RAD23B: variants seen among roughly 807,000 people sequenced by gnomAD.
RAD23B encodes the protein RAD23 nucleotide excision repair protein B.
RAD23B carries 5 observed loss-of-function variants against 49.1 expected under a neutral mutation model. The ratio of observed to expected loss-of-function variants is 0.10; its 90% CI spans 0.05 to 0.21. RAD23B has a LOEUF of 0.21. Ranked by LOEUF, RAD23B falls within the 10% of genes least tolerant of loss-of-function variation. The probability of loss-of-function intolerance (pLI) is 1.00; values close to 1 mark genes in which losing one functional copy is unlikely to be tolerated. For synonymous variants in RAD23B, 184 were observed against 165.4 expected, an observed-to-expected ratio of 1.11 and a Z score of -0.86; for missense variants, 356 against 486.7, an observed-to-expected ratio of 0.73 and a Z score of 2.53.
intron 1 of RAD23B, among the ~76,000 whole-genome samples, chr9:107,288,439 TTTG>T (rs1381188834): frequency 2.5e-4 from 38 of 152,208 alleles, no homozygotes; most frequent in Non-Finnish European, 1.5e-4. Context: ...TGGCTACATT[TTTG>T]TTGTTGTTTT....
intron 1 of RAD23B, among the ~76,000 whole-genome samples, chr9:107,289,341 C>A (rs997868689): frequency 1.3e-5 from 2 of 152,004 alleles, no homozygotes; most frequent in African/African-American, 4.8e-5. Flanking sequence ...CATGCCACCA[C>A]GCCCAGCTAA....
chr9:107,305,367 A>G (rs139703793), intron 3 of RAD23B, among the ~76,000 whole-genome samples: 3 of 152,316 alleles, frequency 2.0e-5, no homozygotes, highest in East Asian at 1.9e-4. Context: ...TAAGTGGATC[A>G]TCATAAAGGT....
At chr9:107,316,714 A>G (rs1381392841) in intron 5 of RAD23B, among the ~76,000 whole-genome samples, 6 of 152,084 alleles carry the variant, frequency 3.9e-5, no homozygotes, top group African/African-American at 1.2e-4. Flanking sequence ...AAATTATTCA[A>G]CAGATACTCG....
intron 1 of RAD23B, among the ~76,000 whole-genome samples, chr9:107,286,390 A>C (rs1833273135): frequency 6.6e-6 from 1 of 152,148 alleles, no homozygotes; most frequent in Non-Finnish European, 1.5e-5. Flanking sequence ...GGATATACAA[A>C]ATGGAAAGAG....
chr9:107,293,520 A>T (rs894767722), intron 1 of RAD23B, among the ~76,000 whole-genome samples: 1 of 152,198 alleles, frequency 6.6e-6, no homozygotes, highest in Non-Finnish European at 1.5e-5. Context: ...ACTTTACACA[A>T]TTATTTATAC....
intron 1 of RAD23B, chr9:107,284,785 G>A (rs868238776): frequency 1.4e-5 from 16 of 1,169,484 alleles, no homozygotes; most frequent in Non-Finnish European, 1.6e-5. Context: ...GGGCTTTGGT[G>A]TTAAGTAGAC....
intron 6 of RAD23B, among the ~76,000 whole-genome samples, chr9:107,320,435 A>T (rs1474412667): frequency 6.6e-6 from 1 of 152,254 alleles, no homozygotes; most frequent in Admixed American, 6.5e-5. Flanking sequence ...GAGGTATAAA[A>T]ATACAGAATC....
intron 8 of RAD23B, among the ~76,000 whole-genome samples, chr9:107,324,616 G>T (rs1827168932): frequency 6.7e-6 from 1 of 148,468 alleles, no homozygotes; most frequent in Non-Finnish European, 1.5e-5. Flanking sequence ...GAGCACTTAA[G>T]AATTTGAATT....
At position 107,300,350 on chromosome 9, in the gene RAD23B, GAGC is replaced by G. The variant is rs528669259; in HGVS notation, c.148+131_148+133del. The G allele has an allele frequency of 1.6e-3, 1,728 of 1,102,990 alleles. 3 individuals are homozygous for G. Among genetic ancestry groups the G allele is most frequent in the Non-Finnish European group, 2.0e-3 (1,648 of 832,932 alleles). The allele number at this position is 1,102,990 out of a possible 1,614,324, so 68.3% of individuals were successfully genotyped here. ...GATTGTACAAATAAAAGCAGTGAAA[GAGC>G]AGTCATTTGAATCTAATATTAATAT... is the stretch of plus-strand genomic sequence containing the variant. On this transcript the variant is annotated intron_variant, in intron 2 of 9. Coordinates refer to ENST00000358015, the MANE Select transcript of RAD23B (RefSeq NM_002874.5).
rs188199832 is a variant in RAD23B at position 107,321,314 on chromosome 9, T to G, written c.682-669T>G. Among the ~76,000 whole-genome samples, 11 of 151,358 alleles carry G rather than the reference T, an allele frequency of 7.3e-5. No homozygotes were observed. The East Asian group carries it at 2.1e-3, about 29-fold the overall frequency. On this transcript the variant is annotated intron_variant, in intron 6 of 9. Transcript: ENST00000358015. ...TCATTTATGAGATACTTTGACACTT[T>G]AAGAAACACTTCACTGAAAAGTACC...
intron 7 of RAD23B, 103 bp downstream of exon 7, chr9:107,322,221 T>G: frequency 7.5e-7 from 1 of 1,334,906 alleles, no homozygotes; most frequent in Non-Finnish European, 1.0e-6. Flanking sequence ...CCCAGAGCAG[T>G]CGAATAATTC....
chr9:107,314,377 T>C (rs370551987), intron 5 of RAD23B, among the ~76,000 whole-genome samples: 5 of 152,190 alleles, frequency 3.3e-5, no homozygotes, highest in East Asian at 3.8e-4. Context: ...TTCCAGTGTC[T>C]GTTATTCCAC....
intron 5 of RAD23B, among the ~76,000 whole-genome samples, chr9:107,315,208 C>A (rs1826966735): frequency 1.3e-5 from 2 of 152,140 alleles, no homozygotes; most frequent in South Asian, 4.1e-4. Flanking sequence ...TCCAATTTCC[C>A]AGCACCATTT....
At chr9:107,298,406 C>G (rs1286721051) in intron 1 of RAD23B, among the ~76,000 whole-genome samples, 1 of 147,918 alleles carries the variant, frequency 6.8e-6, no homozygotes, top group Non-Finnish European at 1.5e-5. Context: ...CTCCACTTTT[C>G]AAATGATTCT....
At chr9:107,316,070 C>T (rs561726510) in intron 5 of RAD23B, among the ~76,000 whole-genome samples, 2 of 151,376 alleles carry the variant, frequency 1.3e-5, no homozygotes, top group East Asian at 2.0e-4. Flanking sequence ...AGTGCAGTGG[C>T]GTGATCTTGG....
chr9:107,284,135 G>T, intron 1 of RAD23B: 1 of 991,698 alleles, frequency 1.0e-6, no homozygotes, highest in Non-Finnish European at 1.2e-6. Flanking sequence ...GGTAACCCGA[G>T]AAGATGAGCC....
rs557717473 is a variant in RAD23B at position 107,329,680 on chromosome 9, C to A, written c.*24C>A. On this transcript the variant is annotated 3_prime_UTR_variant, in exon 10 of 10. Coordinates refer to ENST00000358015, the MANE Select transcript of RAD23B (RefSeq NM_002874.5). ...GAAAGGGACTTTTTTATATCTCACACTTCACACCAGTGCATTACACTAACT... is the reference window on the plus strand; with the variant it reads ...GAAAGGGACTTTTTTATATCTCACAATTCACACCAGTGCATTACACTAACT... The A allele has an allele frequency of 8.7e-6, 13 of 1,487,732 alleles. No homozygotes were observed. The highest frequency in any genetic ancestry group is 2.8e-5 in the African/African-American group (2 of 72,254). The allele number at this position is 1,487,732 out of a possible 1,614,324, so 92.2% of individuals were successfully genotyped here. A position where few individuals can be genotyped will look rare whatever the true frequency, so the allele number is the denominator to read the frequency against.
chr9:107,284,769 G>T, intron 1 of RAD23B: 2 of 1,120,972 alleles, frequency 1.8e-6, no homozygotes, highest in Non-Finnish European at 2.2e-6. Context: ...TTTGGGTGGA[G>T]ATCAGGGGCT....
At chr9:107,319,139 T>C (rs1827059069) in intron 6 of RAD23B, among the ~76,000 whole-genome samples, 1 of 141,380 alleles carries the variant, frequency 7.1e-6, no homozygotes, top group East Asian at 2.0e-4. Context: ...TTTTTTTTTT[T>C]TTTTTTTTTG....
Sources: gnomAD v4.1 joint callset for allele counts (sites outside exome capture counted in the v4.1 genomes callset) on GRCh38, gnomAD v4.1.1 for gene constraint, MANE v1.5 for transcripts, NCBI Gene and HGNC (gene_info 2026-07-23, HGNC 2026-07-21) for gene names.